The following EYS variants were observed in gnomAD, a reference collection of about 807,000 sequenced individuals.
EYS encodes EGF-like photoreceptor maintenance factor.
A neutral mutation model predicts 282.1 loss-of-function variants in EYS; 250 were observed. The ratio of observed to expected loss-of-function variants is 0.89; its 90% CI spans 0.80 to 0.98. The LOEUF (loss-of-function observed/expected upper bound fraction) is 0.98. Ranked by LOEUF, EYS falls within the 50% of genes least tolerant of loss-of-function variation. The pLI, the probability that EYS is intolerant of heterozygous loss-of-function variation, is 0.00. For synonymous variants in EYS, 1,355 were observed against 1,282.9 expected (o/e 1.06, Z -1.20); for missense variants, 4,016 against 3,709.0 (o/e 1.08, Z -2.15).
chr6:65,328,725 G>A (rs1827476), intron 11 of EYS, among the ~76,000 whole-genome samples: 148,527 of 151,010 alleles, frequency 0.98, 73,083 homozygotes, highest in East Asian at 1. Context: ...AATATGATCT[G>A]ATGTGAAAAT....
At chr6:65,684,749 T>C (rs994075042) in intron 1 of EYS, among the ~76,000 whole-genome samples, 2 of 152,056 alleles carry the variant, frequency 1.3e-5, no homozygotes, top group Non-Finnish European at 2.9e-5. Context: ...GTTTATTACA[T>C]GGGTACATCG....
Position 64,894,909 on chromosome 6 carries a change from T to G in EYS, c.2846+7204A>C, listed in dbSNP as rs568992641. 2.6e-5 allele frequency among the ~76,000 whole-genome samples: 4 copies of G among 152,198 alleles called. No homozygotes were observed. The South Asian group carries it at 8.3e-4, about 32-fold the overall frequency. On this transcript the variant is annotated intron_variant, in intron 18 of 42. Transcript: ENST00000503581. ...TTACCCACAATTCTTGAATATACAG[T>G]GTAGTTGATATATTTAGTAATAGGA... is the stretch of plus-strand genomic sequence containing the variant.
At chr6:64,325,453 C>T (rs1001345759) in intron 29 of EYS, among the ~76,000 whole-genome samples, 5 of 152,076 alleles carry the variant, frequency 3.3e-5, no homozygotes, top group Admixed American at 1.3e-4. Flanking sequence ...ACAGAGCCTA[C>T]CCAAATGAAA....
intron 26 of EYS, among the ~76,000 whole-genome samples, chr6:64,470,480 T>A (rs1466676662): frequency 6.6e-6 from 1 of 152,136 alleles, no homozygotes; most frequent in East Asian, 1.9e-4. Flanking sequence ...AAAAATACAA[T>A]CAAGATCTTC....
At chr6:65,181,993 G>A (rs1251488483) in intron 12 of EYS, among the ~76,000 whole-genome samples, 1 of 151,910 alleles carries the variant, frequency 6.6e-6, no homozygotes, top group African/African-American at 2.4e-5. Flanking sequence ...TCACTCATAG[G>A]TGGGAATTGA....
intron 29 of EYS, among the ~76,000 whole-genome samples, chr6:64,371,312 A>G (rs901760121): frequency 2.6e-5 from 3 of 116,920 alleles, no homozygotes; most frequent in Admixed American, 9.3e-5. Context: ...TTTCTATGTA[A>G]TTTTATGGTT....
chr6:64,827,398 T>G (rs1765091835), intron 19 of EYS, among the ~76,000 whole-genome samples: 2 of 151,864 alleles, frequency 1.3e-5, no homozygotes, highest in South Asian at 4.1e-4. Flanking sequence ...CTTCCAAACT[T>G]TATCACTACT....
intron 12 of EYS, among the ~76,000 whole-genome samples, chr6:65,181,123 G>T (rs536254809): frequency 2.2e-4 from 34 of 152,022 alleles, no homozygotes; most frequent in African/African-American, 3.9e-4. Flanking sequence ...AACCTAGGCA[G>T]TACCATTCAG....
intron 12 of EYS, among the ~76,000 whole-genome samples, chr6:65,280,317 CA>C (rs1243672576): frequency 1.3e-5 from 2 of 152,098 alleles, no homozygotes; most frequent in Admixed American, 1.3e-4. Flanking sequence ...TGAGTGTTCT[CA>C]CTAGGAAATG....
chr6:65,596,724 A>C (rs1286131648), intron 2 of EYS, among the ~76,000 whole-genome samples: 1 of 152,116 alleles, frequency 6.6e-6, no homozygotes, highest in Non-Finnish European at 1.5e-5. Context: ...AAAAATAAGG[A>C]ATGGTACATC....
At chr6:64,279,454 A>G (rs899088364) in intron 30 of EYS, among the ~76,000 whole-genome samples, 7 of 152,150 alleles carry the variant, frequency 4.6e-5, no homozygotes. Context: ...TGTTTACTGT[A>G]GCTACTTCCC....
intron 35 of EYS, among the ~76,000 whole-genome samples, chr6:63,978,745 G>A (rs979144507): frequency 2.0e-5 from 3 of 151,892 alleles, no homozygotes; most frequent in Non-Finnish European, 4.4e-5. Flanking sequence ...CTGTCTTTAT[G>A]CTGTGTAACA....
At chr6:64,972,840 C>T (rs1385567611) in intron 14 of EYS, among the ~76,000 whole-genome samples, 1 of 151,938 alleles carries the variant, frequency 6.6e-6, no homozygotes, top group Non-Finnish European at 1.5e-5. Context: ...TGTTACCTAC[C>T]AATAAATATT....
At position 64,689,293 on chromosome 6, in the gene EYS, T is replaced by C. The variant is rs193037284; in HGVS notation, c.3444-63048A>G. 7.0e-3 allele frequency among the ~76,000 whole-genome samples: 1,067 copies of C among 152,194 alleles called. 10 individuals are homozygous for C. Among genetic ancestry groups the C allele is most frequent in the African/African-American group, 0.024 (1,002 of 41,526 alleles). On this transcript the variant is annotated intron_variant, in intron 22 of 42. Transcript: ENST00000503581. ...TGTGAAGGACCTCTTCAAGGAGAAC[T>C]ACAAACCACTGCTCAATGAAGTAAA...
At chr6:65,557,798 T>C (rs952340752) in intron 2 of EYS, among the ~76,000 whole-genome samples, 4 of 152,042 alleles carry the variant, frequency 2.6e-5, no homozygotes, top group African/African-American at 4.8e-5. Context: ...TTTTATTGAG[T>C]GACAGAATAG....
rs570401510 is a variant in EYS, at chr6:64,978,091, T to C, written c.2259+19491A>G. Reference sequence around the variant, plus strand: ...TACACTAAACAACACATTTCCAGTGTAGGTAAAACAGCTTTCTGTCAGAAG... The same window carrying C: ...TACACTAAACAACACATTTCCAGTGCAGGTAAAACAGCTTTCTGTCAGAAG... On this transcript the variant is annotated intron_variant, in intron 14 of 42. Coordinates refer to ENST00000503581, the MANE Select transcript of EYS (RefSeq NM_001142800.2). 1.1e-4 allele frequency among the ~76,000 whole-genome samples: 17 copies of C among 152,078 alleles called. No individual in the cohort carries two copies. In the East Asian group the frequency reaches 2.9e-3, roughly 26 times the overall value.
chr6:63,810,826 C>T (rs1296675848), intron 36 of EYS, among the ~76,000 whole-genome samples: 2 of 152,182 alleles, frequency 1.3e-5, no homozygotes, highest in African/African-American at 4.8e-5. Context: ...TCTCCTCAAA[C>T]ATCTAATATT....
intron 12 of EYS, among the ~76,000 whole-genome samples, chr6:65,085,780 TTTTTGTTTAGTC>T (rs1774349809): frequency 6.6e-6 from 1 of 152,120 alleles, no homozygotes; most frequent in Admixed American, 6.6e-5. Context: ...TTTACGTAGC[TTTTTGTTTAGTC>T]AAATGGGACC....
At chr6:65,374,069 GT>G (rs1316271985) in intron 8 of EYS, among the ~76,000 whole-genome samples, 3 of 152,150 alleles carry the variant, frequency 2.0e-5, no homozygotes, top group Non-Finnish European at 4.4e-5. Context: ...TTTTTTGACA[GT>G]TTGGATTACC....
Sources: allele counts gnomAD v4.1 joint callset (sites outside exome capture counted in the v4.1 genomes callset), GRCh38; gene constraint gnomAD v4.1.1; transcripts MANE v1.5; gene names NCBI Gene and HGNC (gene_info 2026-07-23, HGNC 2026-07-21).